HTR1E: variants seen among roughly 807,000 people sequenced by gnomAD.
HTR1E encodes 5-HT-1E.
In HTR1E, 3 loss-of-function variants were observed where a neutral mutation model predicts 3.4. That is an observed-to-expected ratio of 0.89 (90% CI 0.41 to 2.31). The LOEUF is 2.31. Among genes scored for constraint, HTR1E ranks in the 30% most tolerant of loss-of-function variants. The pLI is 0.05. For synonymous variants in HTR1E, 170 were observed against 182.8 expected (o/e 0.93, Z 0.56); for missense variants, 392 against 467.0 (o/e 0.84, Z 1.48).
rs1337278187 is a variant in HTR1E at position 87,015,928 on chromosome 6, A to G, written c.594A>G (p.Ile198Met). The G allele has an allele frequency of 2.5e-6, 4 of 1,613,802 alleles. 1 individual carries two copies. The South Asian group carries it at 4.4e-5, about 18-fold the overall frequency. Reference protein sequence around the residue: ...LGAFYIPLTLILILYYRIYHA... With the variant: ...LGAFYIPLTLMLILYYRIYHA... ...CGTTTTATATCCCCTTGACTTTGAT[A>G]CTGATTCTCTATTACCGGATTTACC... Residue 198 changes from isoleucine to methionine, a missense_variant, in exon 2 of 2, where the codon ATA becomes ATG. Physicochemically the swap from Ile to Met is conservative, Grantham distance 10 (BLOSUM62 1). Coordinates refer to ENST00000305344, the MANE Select transcript of HTR1E (RefSeq NM_000865.3).
chr6:86,980,822 A>G (rs1767701673), intron 1 of HTR1E, among the ~76,000 whole-genome samples: 1 of 152,182 alleles, frequency 6.6e-6, no homozygotes, highest in African/African-American at 2.4e-5. Context: ...AAATTATACT[A>G]ATTCCTATGA....
At chr6:87,012,588 T>C (rs1582286904) in intron 1 of HTR1E, among the ~76,000 whole-genome samples, 1 of 152,112 alleles carries the variant, frequency 6.6e-6, no homozygotes, top group Non-Finnish European at 1.5e-5. Flanking sequence ...CAAAATTAAG[T>C]TGACTTATTT....
intron 1 of HTR1E, among the ~76,000 whole-genome samples, chr6:86,974,047 T>C (rs1767595908): frequency 6.6e-6 from 1 of 150,636 alleles, no homozygotes; most frequent in Admixed American, 6.6e-5. Flanking sequence ...CATCTCCTTC[T>C]CCACAAAACC....
chr6:86,992,243 C>T (rs796263964), intron 1 of HTR1E, among the ~76,000 whole-genome samples: 16 of 152,308 alleles, frequency 1.1e-4, no homozygotes, highest in African/African-American at 3.6e-4. Flanking sequence ...AATGTATCTG[C>T]TTTCTACAAA....
chr6:86,974,871 G>A (rs576701540), intron 1 of HTR1E, among the ~76,000 whole-genome samples: 16 of 152,212 alleles, frequency 1.1e-4, no homozygotes, highest in Non-Finnish European at 2.1e-4. Flanking sequence ...CCTTCAAAGT[G>A]GTTCCTGTGT....
chr6:86,997,403 T>C (rs548585496), intron 1 of HTR1E, among the ~76,000 whole-genome samples: 269 of 151,826 alleles, frequency 1.8e-3, no homozygotes, highest in Non-Finnish European at 3.1e-3. Flanking sequence ...GAAATAAAAA[T>C]GTTCATATTT....
intron 1 of HTR1E, among the ~76,000 whole-genome samples, chr6:86,995,125 T>A (rs1767917390): frequency 6.6e-6 from 1 of 151,940 alleles, no homozygotes; most frequent in Admixed American, 6.6e-5. Context: ...ACTTAAGGAT[T>A]AACATATCAA....
At chr6:86,988,257 A>G (rs1767820236) in intron 1 of HTR1E, among the ~76,000 whole-genome samples, 1 of 152,198 alleles carries the variant, frequency 6.6e-6, no homozygotes, top group Non-Finnish European at 1.5e-5. Context: ...TAGTGGTTCT[A>G]TGCAGCCCAC....
At chr6:86,939,576 T>C (rs1027257016) in intron 1 of HTR1E, among the ~76,000 whole-genome samples, 3 of 152,254 alleles carry the variant, frequency 2.0e-5, no homozygotes, top group South Asian at 4.1e-4. Context: ...ATTAGGTATA[T>C]GCATGTTCAA....
At chr6:86,991,796 G>A (rs1398596728) in intron 1 of HTR1E, among the ~76,000 whole-genome samples, 1 of 152,082 alleles carries the variant, frequency 6.6e-6, no homozygotes, top group Non-Finnish European at 1.5e-5. Flanking sequence ...AATGTGTAGC[G>A]GCTGTCCAAT....
In HTR1E at chr6:87,016,313, G is replaced by A. The variant is rs1311030630; in HGVS notation, c.979G>A (p.Asp327Asn). 15 of 1,614,058 alleles carry A rather than the reference G, an allele frequency of 9.3e-6. No homozygotes were observed. Among genetic ancestry groups the A allele is most frequent in the Admixed American group, 1.7e-5 (1 of 60,004 alleles). Residue 327 changes from aspartate (D) to asparagine (N), a missense_variant, in exon 2 of 2, where the codon GAC (aspartate) becomes AAC (asparagine). This residue lies in a region of HTR1E where 178 missense variants were observed against 164.9 expected (regional missense o/e 1.08). Coordinates refer to ENST00000305344, the MANE Select transcript of HTR1E (RefSeq NM_000865.3). ...CTACACCGTGTCCTCGGAAGTGGCCGACTTTCTGACGTGGCTCGGTTATGT... is the reference window on the plus strand; with the variant it reads ...CTACACCGTGTCCTCGGAAGTGGCCAACTTTCTGACGTGGCTCGGTTATGT... ...SIYTVSSEVA[D>N]FLTWLGYVNS...
chr6:87,002,442 G>A (rs1179663174), intron 1 of HTR1E, among the ~76,000 whole-genome samples: 2 of 152,220 alleles, frequency 1.3e-5, no homozygotes, highest in African/African-American at 4.8e-5. Flanking sequence ...TGCTGGCTCG[G>A]GTGGCCAGCT....
intron 1 of HTR1E, among the ~76,000 whole-genome samples, chr6:86,987,879 G>A (rs1309099198): frequency 6.6e-6 from 1 of 152,106 alleles, no homozygotes; most frequent in Non-Finnish European, 1.5e-5. Context: ...CATTCATGAA[G>A]GAGGAGCCTT....
In HTR1E at chr6:87,016,138, C is replaced by T. The variant is rs775679459; in HGVS notation, c.804C>T (p.Phe268=). 5.0e-6 allele frequency: 8 copies of T among 1,614,152 alleles called. No homozygotes were observed. The highest frequency in any genetic ancestry group is 3.3e-5 in the South Asian group (3 of 91,086). ...KFHASIRIPP[F]DNDLDHPGER... ...ATGCCTCCATCAGGATCCCCCCCTT[C>T]GACAATGATCTAGATCACCCAGGAG... Residue 268 remains phenylalanine, a synonymous_variant, in exon 2 of 2, where the codon TTC becomes TTT. Transcript: ENST00000305344.
chr6:87,004,386 A>T (rs867964869), intron 1 of HTR1E, among the ~76,000 whole-genome samples: 1 of 152,202 alleles, frequency 6.6e-6, no homozygotes, highest in Non-Finnish European at 1.5e-5. Context: ...CACAATAAAG[A>T]TTACTCATCA....
chr6:87,008,192 AAG>A (rs1438671030), intron 1 of HTR1E, among the ~76,000 whole-genome samples: 1 of 152,148 alleles, frequency 6.6e-6, no homozygotes, highest in Non-Finnish European at 1.5e-5. Flanking sequence ...AAAAAAGAAA[AAG>A]AGAATAAAGA....
In HTR1E at chr6:87,015,840, C is replaced by A. The variant is rs775040501; in HGVS notation, c.506C>A (p.Pro169His). ...AGAAGCCACCGCCGCCTAAGCCCTC[C>A]CCCTAGTCAGTGCACCATCCAGCAC... ...FWRSHRRLSP[P>H]PSQCTIQHDH... Residue 169 changes from proline to histidine, a missense_variant, in exon 2 of 2, where the codon CCC becomes CAC. By Grantham distance (77) the Pro-to-His change is moderately conservative (BLOSUM62 -2). Transcript: ENST00000305344. 4 of 1,613,640 alleles carry A rather than the reference C, an allele frequency of 2.5e-6. No homozygotes were observed. In the African/African-American group the frequency reaches 4.0e-5, roughly 16 times the overall value.
chr6:86,970,951 C>T (rs1767543733), intron 1 of HTR1E: 6 of 343,906 alleles, frequency 1.7e-5, no homozygotes, highest in South Asian at 1.1e-4. Flanking sequence ...ATAAATTAAT[C>T]GCCTTGACAG....
chr6:86,979,089 A>G (rs1376494804), intron 1 of HTR1E, among the ~76,000 whole-genome samples: 1 of 152,204 alleles, frequency 6.6e-6, no homozygotes, highest in East Asian at 1.9e-4. Flanking sequence ...TCACATTGCT[A>G]TGTCAGTCTC....
Sources: gnomAD v4.1 joint callset for allele counts (sites outside exome capture counted in the v4.1 genomes callset) on GRCh38, gnomAD v4.1.1 for gene constraint, gnomAD v4.1.1 regional missense constraint, MANE v1.5 for transcripts, NCBI Gene and HGNC (gene_info 2026-07-23, HGNC 2026-07-21) for gene names.